Variants in PANK2 observed in about 807,000 individuals in gnomAD.
PANK2 encodes the protein pantothenate kinase 2.
In PANK2, 36 loss-of-function variants were observed where a neutral mutation model predicts 43.1. The observed-to-expected ratio is 0.84, with a 90% CI of 0.64 to 1.10. The LOEUF (loss-of-function observed/expected upper bound fraction) is 1.10. PANK2 is among the 50% of genes least tolerant of loss of function. The pLI is 0.00. For synonymous variants in PANK2, 281 were observed against 238.2 expected, an observed-to-expected ratio of 1.18 and a Z score of -1.66; for missense variants, 576 against 593.3, an observed-to-expected ratio of 0.97 and a Z score of 0.30.
intron 1 of PANK2, 185 bp downstream of exon 1, chr20:3,889,913 G>A (rs753270143): frequency 2.4e-5 from 37 of 1,532,044 alleles, no homozygotes; most frequent in Non-Finnish European, 3.1e-5. Context: ...GTACCTTCGG[G>A]GGCCCCCCCG....
intron 6 of PANK2, chr20:3,921,443 G>C (rs539103782): frequency 6.6e-6 from 1 of 152,094 alleles, no homozygotes; most frequent in Non-Finnish European, 1.5e-5. Flanking sequence ...ACCTGTTTCT[G>C]TCTTGATAGT....
chr20:3,918,876 G>A (rs2090605045), intron 6 of PANK2, 80 bp downstream of exon 6: 5 of 1,606,220 alleles, frequency 3.1e-6, no homozygotes, highest in Non-Finnish European at 4.3e-6. Flanking sequence ...TGAGGTAGAG[G>A]GTGGAGGTGA....
chr20:3,888,939 GACCAGCGGCC>G, upstream of PANK2: 1 of 595,862 alleles, frequency 1.7e-6, no homozygotes, highest in Non-Finnish European at 2.9e-6. Flanking sequence ...GTCTGCCGAC[GACCAGCGGCC>G]AGACGCTGCG....
intron 3 of PANK2, among the ~76,000 whole-genome samples, chr20:3,911,776 A>AT (rs1468599655): frequency 2.0e-5 from 3 of 152,134 alleles, no homozygotes; most frequent in African/African-American, 7.2e-5. Context: ...CTGTAATCCC[A>AT]TATACTTGGG....
chr20:3,895,642 G>T (rs892757892), intron 1 of PANK2, among the ~76,000 whole-genome samples: 1 of 152,090 alleles, frequency 6.6e-6, no homozygotes, highest in Non-Finnish European at 1.5e-5. Context: ...TTGTAGCCTT[G>T]TGAGCTTTTC....
At chr20:3,888,790 G>A (rs914405225), upstream of PANK2, 4 of 367,540 alleles carry the variant, frequency 1.1e-5, no homozygotes, top group African/African-American at 6.3e-5. Flanking sequence ...CATTCCTTCT[G>A]GTACCTCTCT....
chr20:3,929,172 A>G lies in PANK2; in HGVS notation c.*5878A>G, dbSNP rs2090779673. ...GCCCGACCAGAAGCATTTTCTTTTC[A>G]AAGTGTGTGCACAGAGTGAGGAGGC... On this transcript the variant is annotated 3_prime_UTR_variant, in exon 7 of 7. Transcript: ENST00000610179. The G allele has an allele frequency of 6.6e-6, 1 of 152,206 alleles. No individual in the cohort carries two copies. The highest frequency in any genetic ancestry group is 6.5e-5 in the Admixed American group (1 of 15,278). The allele number at this position is 152,206 out of a possible 1,614,324, so 9.4% of individuals were successfully genotyped here. A position where few individuals can be genotyped will look rare whatever the true frequency, so the allele number is the denominator to read the frequency against.
chr20:3,912,409 C>G (rs1404273486), intron 3 of PANK2, 49 bp from the exon 4 acceptor site: 6 of 1,593,082 alleles, frequency 3.8e-6, no homozygotes, highest in Middle Eastern at 3.3e-4. Context: ...ACTTCTTGTT[C>G]TTATTTTTAA....
chr20:3,909,028 G>A (rs1177796746), intron 2 of PANK2: 1 of 152,256 alleles, frequency 6.6e-6, no homozygotes, highest in Non-Finnish European at 1.5e-5. Flanking sequence ...AATGTCTTCA[G>A]TGACTGACTG....
upstream of PANK2, chr20:3,888,926 T>C: frequency 1.7e-6 from 1 of 581,722 alleles, no homozygotes. Flanking sequence ...TTCAAGCCCT[T>C]TCGTCTGCCG....
At chr20:3,914,032 G>T (rs192203378) in intron 4 of PANK2, among the ~76,000 whole-genome samples, 2 of 150,420 alleles carry the variant, frequency 1.3e-5, no homozygotes, top group Non-Finnish European at 3.0e-5. Context: ...CTCATGATCC[G>T]CCCGCCTTGG....
chr20:3,919,322 A>C (rs1026241698), intron 6 of PANK2, among the ~76,000 whole-genome samples: 80 of 107,670 alleles, frequency 7.4e-4, no homozygotes, highest in African/African-American at 3.6e-3. Context: ...TTAGAGAAAA[A>C]CCCTTGAACA....
At chr20:3,914,585 C>T (rs1053694380) in intron 4 of PANK2, among the ~76,000 whole-genome samples, 2 of 151,490 alleles carry the variant, frequency 1.3e-5, no homozygotes, top group Non-Finnish European at 2.9e-5. Context: ...AGGTGTGAGC[C>T]ATCACTCCTG....
chr20:3,915,763 C>G (rs1047210254), intron 4 of PANK2, among the ~76,000 whole-genome samples: 12 of 152,286 alleles, frequency 7.9e-5, no homozygotes, highest in African/African-American at 2.9e-4. Context: ...CTCTTGGCCC[C>G]TTTGTCAAAA....
At chr20:3,923,197 A>AT in intron 6 of PANK2, 47 bp from the exon 7 acceptor site, 1 of 1,602,124 alleles carries the variant, frequency 6.2e-7, no homozygotes, top group Non-Finnish European at 8.6e-7. Flanking sequence ...GGTGATTTGA[A>AT]TAAGTCTAAG....
chr20:3,924,700 C>A lies in PANK2; in HGVS notation c.*1406C>A, dbSNP rs910955490. 6.5e-6 allele frequency: 1 copy of A among 152,860 alleles called. No individual in the cohort carries two copies. The highest frequency in any genetic ancestry group is 1.5e-5 in the Non-Finnish European group (1 of 68,532). 9.5% of individuals were successfully genotyped at this position (152,860 alleles called of 1,614,324 possible). On this transcript the variant is annotated 3_prime_UTR_variant, in exon 7 of 7. Transcript: ENST00000610179. ...GTTTGCAGGCTCCTGGCCTATACTA[C>A]CTCTGACGCCCTGATCCTGAGTTCC...
intron 1 of PANK2, among the ~76,000 whole-genome samples, chr20:3,896,071 T>C (rs1449741433): frequency 1.3e-5 from 2 of 151,742 alleles, no homozygotes; most frequent in African/African-American, 4.8e-5. Flanking sequence ...TGTTTCTTTT[T>C]TTTTTTTTGA....
chr20:3,888,805 A>G (rs924616285), upstream of PANK2: 11 of 406,822 alleles, frequency 2.7e-5, no homozygotes, highest in African/African-American at 4.1e-5. Context: ...CTCTCTCTCC[A>G]ACGCAGGCGG....
chr20:3,889,018 TG>T, upstream of PANK2: 1 of 1,126,500 alleles, frequency 8.9e-7, no homozygotes, highest in Non-Finnish European at 1.2e-6. Context: ...AGCAGCGGGG[TG>T]GGACTCGGGG....
Sources: gnomAD v4.1 joint callset for allele counts (sites outside exome capture counted in the v4.1 genomes callset) on GRCh38, gnomAD v4.1.1 for gene constraint, MANE v1.5 for transcripts, NCBI Gene and HGNC (gene_info 2026-07-23, HGNC 2026-07-21) for gene names.